MGAT1: variants seen among roughly 807,000 people sequenced by gnomAD.
The protein encoded by MGAT1 is alpha-1,3-mannosyl-glycoprotein 2-beta-N-acetylglucosaminyltransferase, also known as N-glycosyl-oligosaccharide-glycoprotein N-acetylglucosaminyltransferase I.
MGAT1 carries 14 observed loss-of-function variants against 31.7 expected under a neutral mutation model. The observed-to-expected ratio is 0.44, with a 90% CI of 0.29 to 0.69. The LOEUF is 0.69. MGAT1 is among the 30% of genes least tolerant of loss of function. MGAT1 has a pLI of 0.12. For missense variants in MGAT1, 557 were observed against 626.0 expected (o/e 0.89, Z 1.18); for synonymous variants, 338 against 276.0 (o/e 1.22, Z -2.23).
At position 180,801,691 on chromosome 5, in the gene MGAT1, G is replaced by C. The variant is rs545931881; in HGVS notation, c.-127+989C>G. Reference sequence around the variant, plus strand: ...TTTGGACAAGTCACTTGACCCACTTGTACCTTAGTTCTCTCATCTATAAGG... The same window carrying C: ...TTTGGACAAGTCACTTGACCCACTTCTACCTTAGTTCTCTCATCTATAAGG... On this transcript the variant is annotated intron_variant, in intron 1 of 1. Coordinates refer to ENST00000307826, the MANE Select transcript of MGAT1 (RefSeq NM_002406.4). 1.6e-3 allele frequency among the ~76,000 whole-genome samples: 241 copies of C among 152,332 alleles called. 1 individual carries two copies. Among genetic ancestry groups the C allele is most frequent in the African/African-American group, 5.7e-3 (235 of 41,576 alleles).
intron 1 of MGAT1, chr5:180,809,532 C>G (rs534461603): frequency 7.6e-4 from 116 of 152,192 alleles, no homozygotes; most frequent in African/African-American, 2.8e-3. Flanking sequence ...TTAATAAATC[C>G]TTTCCAGACC....
In MGAT1 at chr5:180,791,697, C is replaced by G. The variant is rs565610822; in HGVS notation, c.1275G>C (p.Arg425=). 24 of 1,613,798 alleles carry G rather than the reference C, an allele frequency of 1.5e-5. No individual in the cohort carries two copies. Among genetic ancestry groups the G allele is most frequent in the Non-Finnish European group, 1.9e-5 (23 of 1,180,034 alleles). ...GYRGIVTFQF[R]GRRVHLAPPL... ...GGGGCGCCAGGTGGACACGGCGGCC[C>G]CGGAACTGGAAGGTGACAATACCCC... Residue 425 remains arginine (R), a synonymous_variant, in exon 2 of 2, where the codon CGG becomes CGC. Coordinates refer to ENST00000307826, the MANE Select transcript of MGAT1 (RefSeq NM_002406.4).
At chr5:180,797,344 G>T (rs761657979) in intron 1 of MGAT1, among the ~76,000 whole-genome samples, 1 of 147,164 alleles carries the variant, frequency 6.8e-6, no homozygotes, top group Non-Finnish European at 1.5e-5. Flanking sequence ...GGAGGTTGCA[G>T]TGAGCTGAGA....
At chr5:180,804,990 T>TC (rs1208100058), upstream of MGAT1, among the ~76,000 whole-genome samples, 3 of 152,178 alleles carry the variant, frequency 2.0e-5, no homozygotes, top group Non-Finnish European at 4.4e-5. Context: ...GGTTAGGGAA[T>TC]CAGAATGGGC....
chr5:180,815,514 C>T (rs917164391), exon 1 of MGAT1: 3 of 152,544 alleles, frequency 2.0e-5, no homozygotes, highest in Admixed American at 1.3e-4. Flanking sequence ...TCTTCCACAA[C>T]ATTCCCACAT....
intron 1 of MGAT1, chr5:180,795,298 TACAC>T (rs1554130208): frequency 2.7e-5 from 4 of 148,924 alleles, no homozygotes; most frequent in Non-Finnish European, 4.4e-5. Flanking sequence ...TATATATATA[TACAC>T]ACACACACAT....
chr5:180,812,759 G>A (rs1044920508), intron 1 of MGAT1, among the ~76,000 whole-genome samples: 11 of 152,070 alleles, frequency 7.2e-5, no homozygotes, highest in Non-Finnish European at 1.6e-4. Flanking sequence ...TTATTAATGA[G>A]CAATTACAAT....
At chr5:180,809,841 C>T (rs1462088511) in intron 1 of MGAT1, 2 of 150,626 alleles carry the variant, frequency 1.3e-5, no homozygotes, top group South Asian at 2.1e-4. Flanking sequence ...CACTCTCTCT[C>T]TCCTTTCCTT....
At chr5:180,794,172 A>G (rs1430633794) in intron 1 of MGAT1, among the ~76,000 whole-genome samples, 2 of 150,376 alleles carry the variant, frequency 1.3e-5, no homozygotes, top group African/African-American at 4.9e-5. Context: ...TGAGCCCAGG[A>G]GTTCAAGAAT....
Position 180,792,708 on chromosome 5 carries a change from G to T in MGAT1, c.264C>A (p.Thr88=). The change falls in exon 2 of 2, where the codon ACC becomes ACA. Residue 88 remains threonine, a synonymous_variant. Coordinates refer to ENST00000307826, the MANE Select transcript of MGAT1 (RefSeq NM_002406.4). ...CACGCGGCTGGGCGGGAGGGGCCGC[G>T]GTGGGCACCCTCCCCCGCTGGCTCG... is the stretch of plus-strand genomic sequence containing the variant. The part of the protein sequence containing the change: ...ALSSQRGRVP[T]AAPPAQPRVP... 6.4e-7 allele frequency: 1 copy of T among 1,550,858 alleles called. No individual in the cohort carries two copies. The highest frequency in any genetic ancestry group is 2.4e-5 in the East Asian group (1 of 41,888).
chr5:180,809,969 C>G (rs1373779875), intron 1 of MGAT1: 1 of 152,250 alleles, frequency 6.6e-6, no homozygotes, highest in Non-Finnish European at 1.5e-5. Flanking sequence ...ACACTGCGAC[C>G]CTTCCTGGAC....
At chr5:180,801,225 A>G (rs1770699201) in intron 1 of MGAT1, among the ~76,000 whole-genome samples, 1 of 152,274 alleles carries the variant, frequency 6.6e-6, no homozygotes, top group Admixed American at 6.5e-5. Flanking sequence ...TTAAATAGCA[A>G]GTGAACACCA....
Position 180,792,321 on chromosome 5 carries a change from G to A in MGAT1, c.651C>T (p.Asp217=), listed in dbSNP as rs775558964. The A allele has an allele frequency of 8.1e-6, 13 of 1,610,786 alleles. No individual in the cohort carries two copies. Among genetic ancestry groups the A allele is most frequent in the Non-Finnish European group, 1.1e-5 (13 of 1,178,174 alleles). ...AGGTGGCCCGAAAGTACTCGAAGAAGTCCGGGGCCACCTCCAGGTCATCCT... is the reference window on the plus strand; with the variant it reads ...AGGTGGCCCGAAAGTACTCGAAGAAATCCGGGGCCACCTCCAGGTCATCCT... The part of the protein sequence containing the change: ...VVEDDLEVAP[D]FFEYFRATYP... The change falls in exon 2 of 2, where the codon GAC becomes GAT. Residue 217 remains aspartate (D), a synonymous_variant. Coordinates refer to ENST00000307826, the MANE Select transcript of MGAT1 (RefSeq NM_002406.4).
Position 180,788,036 on chromosome 5 carries a change from AGC to A in MGAT1, c.*3596_*3597del, listed in dbSNP as rs1767694789. On this transcript the variant is annotated 3_prime_UTR_variant, in exon 2 of 2. Coordinates refer to ENST00000307826, the MANE Select transcript of MGAT1 (RefSeq NM_002406.4). Reference sequence around the variant, plus strand: ...GAGGCAGAAGCAGGAATGCAGCAGCAGCAGCAGCCAGGCGCAAGGCAGCTCTG... The same window carrying A: ...GAGGCAGAAGCAGGAATGCAGCAGCAAGCAGCCAGGCGCAAGGCAGCTCTG... 1 of 155,758 alleles carries A rather than the reference AGC, an allele frequency of 6.4e-6. No homozygotes were observed. The highest frequency in any genetic ancestry group is 1.4e-5 in the Non-Finnish European group (1 of 70,936). 9.6% of individuals were successfully genotyped at this position (155,758 alleles called of 1,614,324 possible). A position where few individuals can be genotyped will look rare whatever the true frequency, so the allele number is the denominator to read the frequency against.
chr5:180,792,821 T>A lies in MGAT1; in HGVS notation c.151A>T (p.Thr51Ser). The A allele has an allele frequency of 6.4e-7, 1 of 1,561,344 alleles. No individual in the cohort carries two copies. The highest frequency in any genetic ancestry group is 8.7e-7 in the Non-Finnish European group (1 of 1,153,618). Residue 51 changes from threonine (T) to serine (S), a missense_variant, in exon 2 of 2, where the codon ACC (threonine) becomes TCC (serine). Transcript: ENST00000307826. ...SALDGDPASLTREVIRLAQDA... is the reference protein window; with the variant it reads ...SALDGDPASLSREVIRLAQDA... ...TGGGCCAGGCGAATCACTTCCCGGG[T>A]GAGGCTGGCGGGGTCGCCATCGAGA...
In MGAT1 at chr5:180,791,345, C is replaced by T; in HGVS notation, c.*289G>A. 1 of 501,352 alleles carries T rather than the reference C, an allele frequency of 2.0e-6. No individual in the cohort carries two copies. Among genetic ancestry groups the T allele is most frequent in the Non-Finnish European group, 3.6e-6 (1 of 280,776 alleles). 31.1% of individuals were successfully genotyped at this position (501,352 alleles called of 1,614,324 possible). A position where few individuals can be genotyped will look rare whatever the true frequency, so the allele number is the denominator to read the frequency against. ...TCTGCACATGCTCCAGGAGAAAGCT[C>T]AGGACGTGGACATTTCTGGCCCCAA... On this transcript the variant is annotated 3_prime_UTR_variant, in exon 2 of 2. Transcript: ENST00000307826.
At position 180,791,399 on chromosome 5, in the gene MGAT1, GT is replaced by G. The variant is rs1051730306; in HGVS notation, c.*234del. On this transcript the variant is annotated 3_prime_UTR_variant, in exon 2 of 2. Coordinates refer to ENST00000307826, the MANE Select transcript of MGAT1 (RefSeq NM_002406.4). ...GCCCAGTGCCCCCCACCACACAGTG[GT>G]TTCCTGCTTAATACCCCGCAACATA... is the stretch of plus-strand genomic sequence containing the variant. 8.3e-6 allele frequency: 5 copies of G among 599,798 alleles called. No homozygotes were observed. The highest frequency in any genetic ancestry group is 1.5e-5 in the Non-Finnish European group (5 of 344,438). The allele number at this position is 599,798 out of a possible 1,614,324, so 37.2% of individuals were successfully genotyped here.
upstream of MGAT1, among the ~76,000 whole-genome samples, chr5:180,806,147 G>A (rs184982124): frequency 1.3e-3 from 204 of 152,192 alleles, no homozygotes; most frequent in South Asian, 0.017. Flanking sequence ...TTAGCCGGGC[G>A]TGGTGGCGTG....
chr5:180,790,270 A>C lies in MGAT1; in HGVS notation c.*1364T>G, dbSNP rs1349698906. 1 of 152,110 alleles carries C rather than the reference A, an allele frequency of 6.6e-6. No individual in the cohort carries two copies. The highest frequency in any genetic ancestry group is 1.5e-5 in the Non-Finnish European group (1 of 68,066). The allele number at this position is 152,110 out of a possible 1,614,324, so 9.4% of individuals were successfully genotyped here. ...CCAGCAGGAGGCAGAAGCAGGAGAC[A>C]CTCACCAGCTTTCCTGCTGCGGCCT... On this transcript the variant is annotated 3_prime_UTR_variant, in exon 2 of 2. Transcript: ENST00000307826.
Sources: allele counts gnomAD v4.1 joint callset (sites outside exome capture counted in the v4.1 genomes callset), GRCh38; gene constraint gnomAD v4.1.1; transcripts MANE v1.5; gene names NCBI Gene and HGNC (gene_info 2026-07-23, HGNC 2026-07-21).